Variants in NTRK1 observed in about 807,000 individuals in gnomAD.
The protein encoded by NTRK1 is neurotrophic receptor tyrosine kinase 1, also known as high affinity nerve growth factor receptor.
In NTRK1, 62 loss-of-function variants were observed where a neutral mutation model predicts 86.8. That is an observed-to-expected ratio of 0.71 (90% CI 0.58 to 0.88). The LOEUF is 0.88. Among genes scored for constraint, NTRK1 ranks in the 40% least tolerant of loss-of-function variants. The probability of loss-of-function intolerance (pLI) is 0.00; values close to 1 mark genes in which losing one functional copy is unlikely to be tolerated. For missense variants in NTRK1, 967 were observed against 1,078.4 expected (o/e 0.90, Z 1.45); for synonymous variants, 469 against 456.6 (o/e 1.03, Z -0.35).
intron 13 of NTRK1, 60 bp downstream of exon 13, chr1:156,876,270 C>A (rs2102918276): frequency 6.2e-7 from 1 of 1,612,324 alleles, no homozygotes; most frequent in Non-Finnish European, 8.5e-7. Context: ...AGCTCCATCA[C>A]ATCAGGACAG....
upstream of NTRK1, among the ~76,000 whole-genome samples, chr1:156,860,330 C>A (rs1261711627): frequency 2.0e-5 from 3 of 152,232 alleles, no homozygotes; most frequent in African/African-American, 7.2e-5. Context: ...ATTAGGCGAC[C>A]CCTTCCCTTT....
At chr1:156,818,298 A>T (rs903773834) in intron 1 of NTRK1, among the ~76,000 whole-genome samples, 6 of 152,166 alleles carry the variant, frequency 3.9e-5, no homozygotes, top group Non-Finnish European at 7.4e-5. Flanking sequence ...ACTGTTTTTT[A>T]AAAAATTGTG....
chr1:156,824,218 G>A (rs558030317), intron 1 of NTRK1, among the ~76,000 whole-genome samples: 20 of 139,900 alleles, frequency 1.4e-4, no homozygotes, highest in African/African-American at 5.5e-4. Context: ...TGCAAAGTGG[G>A]GAGTGCAAAG....
At chr1:156,867,881 G>A (rs1328602288) in intron 4 of NTRK1, among the ~76,000 whole-genome samples, 1 of 149,132 alleles carries the variant, frequency 6.7e-6, no homozygotes, top group Non-Finnish European at 1.5e-5. Flanking sequence ...CACTGTGTTA[G>A]CCAGGATGGT....
chr1:156,873,612 G>T (rs772755088), intron 7 of NTRK1, 21 bp from the exon 8 acceptor site: 4 of 1,607,478 alleles, frequency 2.5e-6, no homozygotes, highest in Non-Finnish European at 2.5e-6. Context: ...ACCTCCTGCT[G>T]TTGCTCTTTC....
chr1:156,881,700 TC>T lies in NTRK1; in HGVS notation c.*63del. ...GGAATACTGGGGCCTGCCCTCAGCATCCCCCATAGCTCCCAGCAGCCCCAGG... is the reference window on the plus strand; with the variant it reads ...GGAATACTGGGGCCTGCCCTCAGCATCCCCATAGCTCCCAGCAGCCCCAGG... On this transcript the variant is annotated 3_prime_UTR_variant, in exon 17 of 17. Coordinates refer to ENST00000524377, the MANE Select transcript of NTRK1 (RefSeq NM_002529.4). The T allele has an allele frequency of 5.3e-6, 8 of 1,501,606 alleles. No individual in the cohort carries two copies. The highest frequency in any genetic ancestry group is 7.2e-6 in the Non-Finnish European group (8 of 1,111,694). The allele number at this position is 1,501,606 out of a possible 1,614,324, so 93.0% of individuals were successfully genotyped here.
chr1:156,831,071 A>G (rs1654457911), intron 1 of NTRK1, among the ~76,000 whole-genome samples: 1 of 152,178 alleles, frequency 6.6e-6, no homozygotes, highest in South Asian at 2.1e-4. Context: ...AGGGCTCCCA[A>G]ATGTCATCCT....
chr1:156,843,190 C>G lies in NTRK1; in HGVS notation c.50+997C>G, dbSNP rs761571325. On this transcript the variant is annotated intron_variant, in intron 2 of 16. Transcript: ENST00000392302. ...AGCCCTGGCCCAGTTCCCGGATTATCGAGATCTGCTCCCGAGGCACCTCCC... is the reference window on the plus strand; with the variant it reads ...AGCCCTGGCCCAGTTCCCGGATTATGGAGATCTGCTCCCGAGGCACCTCCC... 3.1e-6 allele frequency: 5 copies of G among 1,613,998 alleles called. No individual in the cohort carries two copies. In the African/African-American group the frequency reaches 5.3e-5, roughly 17 times the overall value.
intron 1 of NTRK1, among the ~76,000 whole-genome samples, chr1:156,821,744 C>T (rs1654197355): frequency 6.6e-6 from 1 of 152,184 alleles, no homozygotes; most frequent in Non-Finnish European, 1.5e-5. Context: ...TTTCTTCAGA[C>T]AGGGTGCAAG....
At chr1:156,829,767 C>G (rs1044060705) in intron 1 of NTRK1, among the ~76,000 whole-genome samples, 37 of 152,180 alleles carry the variant, frequency 2.4e-4, no homozygotes, top group Non-Finnish European at 4.7e-4. Context: ...ATTCTCCTAC[C>G]TCAGCCTCCT....
At chr1:156,847,629 T>A (rs1467204345) in intron 2 of NTRK1, among the ~76,000 whole-genome samples, 1 of 151,932 alleles carries the variant, frequency 6.6e-6, no homozygotes, top group Non-Finnish European at 1.5e-5. Flanking sequence ...AGTGCCTGCC[T>A]TTGTTGGGAC....
At chr1:156,845,751 G>GC in intron 2 of NTRK1, 1 of 1,613,640 alleles carries the variant, frequency 6.2e-7, no homozygotes, top group South Asian at 1.1e-5. Context: ...CTCCATCTCG[G>GC]CCTCAGGATC....
intron 2 of NTRK1, among the ~76,000 whole-genome samples, chr1:156,848,186 ACTTC>A (rs757139636): frequency 1.4e-4 from 21 of 151,740 alleles, no homozygotes; most frequent in African/African-American, 4.1e-4. Flanking sequence ...CCTACAACTG[ACTTC>A]CTTCCTTTCT....
intron 1 of NTRK1, among the ~76,000 whole-genome samples, chr1:156,832,013 G>C (rs1020418740): frequency 6.6e-6 from 1 of 152,198 alleles, no homozygotes; most frequent in South Asian, 2.1e-4. Flanking sequence ...TGGTCCAGCT[G>C]ATGCTTTGGC....
chr1:156,822,064 A>G (rs1421413697), intron 1 of NTRK1, among the ~76,000 whole-genome samples: 3 of 152,198 alleles, frequency 2.0e-5, no homozygotes, highest in African/African-American at 4.8e-5. Context: ...AAGGGCTCTG[A>G]TAGAGGCAGT....
chr1:156,857,157 C>CTGTGTGTGTGTGTG (rs1327364524), upstream of NTRK1, among the ~76,000 whole-genome samples: 2 of 121,286 alleles, frequency 1.6e-5, no homozygotes, highest in South Asian at 2.9e-4. Context: ...TGCCCAGCAG[C>CTGTGTGTGTGTGTG]TGTGTATGTG....
At position 156,879,252 on chromosome 1, in the gene NTRK1, T is replaced by G; in HGVS notation, c.1936T>G (p.Phe646Val). ...GATGGTGTACCTGGCGGGTCTGCAT[T>G]TTGTGCACCGGGACCTGGCCACACG... ...AGMVYLAGLH[F>V]VHRDLATRNC... The change falls in exon 15 of 17, where the codon TTT (phenylalanine) becomes GTT (valine). Residue 646 changes from phenylalanine (F) to valine (V), a missense_variant. Phe to Val is a conservative substitution (Grantham distance 50). Around this residue, in one of 2 missense-constraint regions of NTRK1, gnomAD observed 637 missense variants for 776.5 expected, o/e 0.82. Transcript: ENST00000524377. 6.2e-7 allele frequency: 1 copy of G among 1,613,994 alleles called. No individual in the cohort carries two copies. The highest frequency in any genetic ancestry group is 1.1e-5 in the South Asian group (1 of 91,064).
intron 10 of NTRK1, 89 bp from the exon 11 acceptor site, chr1:156,874,817 C>T (rs1647795851): frequency 9.9e-6 from 12 of 1,217,598 alleles, no homozygotes; most frequent in Non-Finnish European, 1.3e-5. Flanking sequence ...GCTCCGGGCT[C>T]CCATGCAGGA....
upstream of NTRK1, among the ~76,000 whole-genome samples, chr1:156,856,216 A>G (rs543691625): frequency 6.6e-6 from 1 of 152,258 alleles, no homozygotes; most frequent in South Asian, 2.1e-4. Context: ...AAGGGCAGGG[A>G]TATTTGTATA....
Sources: allele counts gnomAD v4.1 joint callset (sites outside exome capture counted in the v4.1 genomes callset), GRCh38; gene constraint gnomAD v4.1.1; regional missense constraint gnomAD v4.1.1; transcripts MANE v1.5; gene names NCBI Gene and HGNC (gene_info 2026-07-23, HGNC 2026-07-21).